The following RGS3 variants were observed in gnomAD, a reference collection of about 807,000 sequenced individuals.
The protein encoded by RGS3 is regulator of G protein signaling 3.
A neutral mutation model predicts 132.6 loss-of-function variants in RGS3; 80 were observed. The observed-to-expected ratio is 0.60, with a 90% CI of 0.50 to 0.73. The LOEUF is 0.73. RGS3 is among the 30% of genes least tolerant of loss of function. The pLI, the probability that RGS3 is intolerant of heterozygous loss-of-function variation, is 0.00. For missense variants in RGS3, 1,382 were observed against 1,530.8 expected (o/e 0.90, Z 1.62); for synonymous variants, 598 against 620.6 (o/e 0.96, Z 0.54).
intron 17 of RGS3, among the ~76,000 whole-genome samples, chr9:113,528,058 T>G (rs138774506): frequency 4.6e-5 from 7 of 152,278 alleles, no homozygotes; most frequent in African/African-American, 1.7e-4. Context: ...CTCAAGAGTC[T>G]TGGGTGAAAA....
Position 113,591,286 on chromosome 9 carries a change from G to C in RGS3, c.3016-47G>C. The C allele has an allele frequency of 6.4e-7, 1 of 1,555,938 alleles. No individual in the cohort carries two copies. Among genetic ancestry groups the C allele is most frequent in the Non-Finnish European group, 8.9e-7 (1 of 1,129,010 alleles). ...TCTGAGCCTCTGTTTACTTAGGCAGGAGTTCCTGGGTGCCCAGACTGCATC... is the reference window on the plus strand; with the variant it reads ...TCTGAGCCTCTGTTTACTTAGGCAGCAGTTCCTGGGTGCCCAGACTGCATC... On this transcript the variant is annotated intron_variant, in intron 20 of 24. Transcript: ENST00000350696. This position sits in a 1 kb window ranked among gnomAD's most constrained non-coding sequence, Gnocchi z 4.4.
chr9:113,528,028 T>C (rs1314440756), intron 17 of RGS3, among the ~76,000 whole-genome samples: 1 of 152,130 alleles, frequency 6.6e-6, no homozygotes. Flanking sequence ...AGTTACTCAA[T>C]TCATCTGTGC....
chr9:113,446,041 C>T (rs113032503), intron 1 of RGS3, among the ~76,000 whole-genome samples: 6,240 of 152,242 alleles, frequency 0.041, 165 homozygotes, highest in South Asian at 0.1. Flanking sequence ...TCATCCATGA[C>T]ACAGTGACAC....
intron 3 of RGS3, 131 bp downstream of exon 1, chr9:113,464,012 C>G (rs1329207358): frequency 3.0e-5 from 28 of 928,060 alleles, no homozygotes; most frequent in Non-Finnish European, 3.0e-5. Context: ...CTTCTCTGGC[C>G]CCTTTCTCCT....
intron 19 of RGS3, among the ~76,000 whole-genome samples, chr9:113,549,439 T>C (rs1833241786): frequency 6.6e-6 from 1 of 151,864 alleles, no homozygotes. Context: ...TTTTTTTTCT[T>C]TGTTTGTTTG....
intron 18 of RGS3, among the ~76,000 whole-genome samples, chr9:113,532,880 A>G (rs1415604888): frequency 6.6e-6 from 1 of 152,154 alleles, no homozygotes; most frequent in Non-Finnish European, 1.5e-5. Flanking sequence ...GCTGCCAGCG[A>G]ACTCTGCAGC....
At chr9:113,458,364 G>T (rs568306117), upstream of RGS3, among the ~76,000 whole-genome samples, 10 of 152,288 alleles carry the variant, frequency 6.6e-5, no homozygotes, top group South Asian at 6.2e-4. Context: ...GCCAGATTTG[G>T]TTGGTAGGCC....
chr9:113,529,169 T>C (rs377424407), intron 17 of RGS3, 52 bp from the exon 16 acceptor site: 1 of 1,433,900 alleles, frequency 7.0e-7, no homozygotes, highest in Non-Finnish European at 9.8e-7. Flanking sequence ...AGCAAACTGC[T>C]GAGGCTCTTT....
exon 20 of RGS3, chr9:113,583,903 G>A (rs1022814662): frequency 6.2e-7 from 1 of 1,614,104 alleles, no homozygotes; most frequent in Admixed American, 1.7e-5. Context: ...GGCCCTTACT[G>A]AGGACACCAT....
chr9:113,454,599 C>T (rs1416150997), intron 1 of RGS3, among the ~76,000 whole-genome samples: 1 of 150,524 alleles, frequency 6.6e-6, no homozygotes, highest in African/African-American at 2.5e-5. Context: ...CAGAGCGAGA[C>T]AGTATCAAAA....
At chr9:113,583,237 T>C (rs551557941) in intron 19 of RGS3, 239 of 812,496 alleles carry the variant, frequency 2.9e-4, no homozygotes, top group Admixed American at 1.3e-3. Context: ...AGCTGTGTTT[T>C]TGATGGAGCA....
intron 20 of RGS3, among the ~76,000 whole-genome samples, chr9:113,588,329 T>C (rs1370781085): frequency 1.3e-5 from 2 of 152,238 alleles, no homozygotes; most frequent in Non-Finnish European, 2.9e-5. Context: ...AGTATAGAGT[T>C]TAAATCCACT....
chr9:113,544,150 C>T (rs1344443892), intron 19 of RGS3, among the ~76,000 whole-genome samples: 2 of 152,192 alleles, frequency 1.3e-5, no homozygotes, highest in Non-Finnish European at 2.9e-5. Flanking sequence ...TCCTGATGGG[C>T]TAATTGTCTT....
At chr9:113,517,317 A>G (rs1321882796) in intron 15 of RGS3, 1 of 664,382 alleles carries the variant, frequency 1.5e-6, no homozygotes, top group East Asian at 2.9e-5. Flanking sequence ...GTGAGGGTTG[A>G]TGGGGAAGGT....
At chr9:113,576,828 A>G (rs1225522263) in intron 19 of RGS3, among the ~76,000 whole-genome samples, 1 of 152,206 alleles carries the variant, frequency 6.6e-6, no homozygotes, top group Admixed American at 6.5e-5. Flanking sequence ...AGCTCCCCTG[A>G]CATAGCACAG....
At chr9:113,493,886 G>A (rs1277802000) in intron 7 of RGS3, among the ~76,000 whole-genome samples, 1 of 152,076 alleles carries the variant, frequency 6.6e-6, no homozygotes, top group African/African-American at 2.4e-5. Context: ...ACCAGGTTTT[G>A]GAAAACACAT....
upstream of RGS3, among the ~76,000 whole-genome samples, chr9:113,458,051 TA>T (rs1387898278): frequency 6.6e-6 from 1 of 152,182 alleles, no homozygotes. Flanking sequence ...AAAATACTAA[TA>T]AAATATTAGC....
At chr9:113,519,336 C>T (rs964671648) in intron 16 of RGS3, among the ~76,000 whole-genome samples, 2 of 152,092 alleles carry the variant, frequency 1.3e-5, no homozygotes, top group African/African-American at 4.8e-5. Flanking sequence ...GTCCAGAAAA[C>T]CCTGCCTTAT....
intron 10 of RGS3, among the ~76,000 whole-genome samples, chr9:113,500,107 G>A (rs1830822890): frequency 6.6e-6 from 1 of 152,152 alleles, no homozygotes. Flanking sequence ...CCTGCGTGCT[G>A]GATTCTGCAC....
Sources: gnomAD v4.1 joint callset for allele counts (sites outside exome capture counted in the v4.1 genomes callset) on GRCh38, gnomAD v4.1.1 for gene constraint, Gnocchi (gnomAD v3.1) non-coding constraint, MANE v1.5 for transcripts, NCBI Gene and HGNC (gene_info 2026-07-23, HGNC 2026-07-21) for gene names.